CCDC141: variants seen among roughly 807,000 people sequenced by gnomAD.
The protein encoded by CCDC141 is coiled-coil domain containing 141, also known as coiled-coil domain-containing protein 141.
In CCDC141, 168 loss-of-function variants were observed where a neutral mutation model predicts 181.0. The observed-to-expected ratio is 0.93, with a 90% CI of 0.82 to 1.05. CCDC141 has a LOEUF of 1.05. CCDC141 is among the 50% of genes least tolerant of loss of function. The pLI is 0.00. For synonymous variants in CCDC141, 666 were observed against 642.3 expected (o/e 1.04, Z -0.56); for missense variants, 1,902 against 1,788.5 (o/e 1.06, Z -1.14).
At chr2:178,872,844 T>C (rs1002349251) in intron 12 of CCDC141, among the ~76,000 whole-genome samples, 19 of 152,190 alleles carry the variant, frequency 1.2e-4, no homozygotes, top group African/African-American at 4.3e-4. Flanking sequence ...AGAACTGAAA[T>C]GAGTCTGTAT....
the CCDC141 span, among the ~76,000 whole-genome samples, chr2:178,820,842 T>A: frequency 6.6e-6 from 1 of 152,200 alleles, no homozygotes; most frequent in Non-Finnish European, 1.5e-5. Flanking sequence ...GCAGGTACCA[T>A]GTGCGTGGAC....
intron 2 of CCDC141, among the ~76,000 whole-genome samples, chr2:178,998,904 A>G (rs911177121): frequency 5.9e-5 from 9 of 152,186 alleles, no homozygotes; most frequent in Admixed American, 3.3e-4. Context: ...TTAACATTAA[A>G]TACACATTAA....
At chr2:178,845,349 C>A (rs1684890035) in intron 22 of CCDC141, among the ~76,000 whole-genome samples, 1 of 152,136 alleles carries the variant, frequency 6.6e-6, no homozygotes. Context: ...TTTGGGGTGA[C>A]ATGGCATTTA....
chr2:178,830,290 G>C lies in CCDC141; in HGVS notation c.*3883C>G, dbSNP rs1362659461. ...CCTTACTATTATTTTAGTCCGTGGA[G>C]CCAGCATCTATTTTTAAATTCAAAT... On this transcript the variant is annotated 3_prime_UTR_variant, in exon 24 of 24. Transcript: ENST00000443758. 2 of 152,178 alleles carry C rather than the reference G, an allele frequency of 1.3e-5. No individual in the cohort carries two copies. Among genetic ancestry groups the C allele is most frequent in the Non-Finnish European group, 2.9e-5 (2 of 68,038 alleles). 9.4% of individuals were successfully genotyped at this position (152,178 alleles called of 1,614,324 possible). A position where few individuals can be genotyped will look rare whatever the true frequency, so the allele number is the denominator to read the frequency against.
chr2:178,845,881 TG>T (rs1684919503), intron 21 of CCDC141, 139 bp from the exon 22 acceptor site: 1 of 656,910 alleles, frequency 1.5e-6, no homozygotes, highest in Non-Finnish European at 2.7e-6. Context: ...TGTACTCCCA[TG>T]ATGTGATTTA....
chr2:178,900,389 GT>G (rs1413161365), intron 8 of CCDC141, among the ~76,000 whole-genome samples: 1 of 152,138 alleles, frequency 6.6e-6, no homozygotes, highest in Non-Finnish European at 1.5e-5. Flanking sequence ...TGTCAAGGGA[GT>G]TTAATTTCAT....
At chr2:178,817,186 T>C in the CCDC141 span, among the ~76,000 whole-genome samples, 48 of 152,338 alleles carry the variant, frequency 3.2e-4, no homozygotes, top group African/African-American at 1.1e-3. Context: ...TTCTTGCTAG[T>C]ACTTTTTCAT....
chr2:179,008,790 T>C (rs537404275), intron 2 of CCDC141, among the ~76,000 whole-genome samples: 1 of 152,196 alleles, frequency 6.6e-6, no homozygotes, highest in East Asian at 1.9e-4. Context: ...TCAGGGTACC[T>C]GAAAATGTCC....
intron 6 of CCDC141, among the ~76,000 whole-genome samples, chr2:178,935,307 T>C (rs1689240924): frequency 1.3e-5 from 2 of 152,212 alleles, no homozygotes; most frequent in South Asian, 2.1e-4. Context: ...CCAGTGTCGA[T>C]TGTTTTCTTC....
Position 178,832,540 on chromosome 2 carries a change from A to T in CCDC141, c.*1633T>A, listed in dbSNP as rs1684300795. 6.6e-6 allele frequency: 1 copy of T among 151,838 alleles called. No individual in the cohort carries two copies. Among genetic ancestry groups the T allele is most frequent in the Non-Finnish European group, 1.5e-5 (1 of 67,948 alleles). The allele number at this position is 151,838 out of a possible 1,614,324, so 9.4% of individuals were successfully genotyped here. ...AATTTCCTAGAATGCTGTGTATACA[A>T]GCTTTTAATATAGTTCTATCAAAAT... On this transcript the variant is annotated 3_prime_UTR_variant, in exon 24 of 24. Coordinates refer to ENST00000443758, the MANE Select transcript of CCDC141 (RefSeq NM_173648.4).
At chr2:179,006,121 T>C (rs769031898) in intron 2 of CCDC141, among the ~76,000 whole-genome samples, 1 of 152,202 alleles carries the variant, frequency 6.6e-6, no homozygotes, top group Non-Finnish European at 1.5e-5. Flanking sequence ...GCTGAAACAA[T>C]GGCCCATGAC....
intron 9 of CCDC141, 103 bp downstream of exon 9, chr2:178,888,424 C>T (rs970119624): frequency 9.7e-7 from 1 of 1,027,834 alleles, no homozygotes; most frequent in Non-Finnish European, 1.4e-6. Flanking sequence ...TAAGGGCAGC[C>T]TAAGGAGACA....
chr2:178,867,138 C>A (rs1233317895), intron 16 of CCDC141, among the ~76,000 whole-genome samples: 7 of 152,212 alleles, frequency 4.6e-5, no homozygotes, highest in African/African-American at 1.7e-4. Flanking sequence ...CCAGCCCTGG[C>A]TAGAATCAGG....
At chr2:179,011,542 G>A (rs1315422373) in intron 2 of CCDC141, among the ~76,000 whole-genome samples, 3 of 152,086 alleles carry the variant, frequency 2.0e-5, no homozygotes, top group African/African-American at 7.2e-5. Flanking sequence ...ATACCCCACT[G>A]ACAACACACA....
chr2:179,037,721 A>G (rs2043183903), intron 2 of CCDC141, among the ~76,000 whole-genome samples: 1 of 152,238 alleles, frequency 6.6e-6, no homozygotes, highest in Non-Finnish European at 1.5e-5. Flanking sequence ...AAAAAGATAT[A>G]CACTGGCCAA....
chr2:178,853,837 T>A (rs1286026569), intron 19 of CCDC141, among the ~76,000 whole-genome samples: 1 of 152,228 alleles, frequency 6.6e-6, no homozygotes, highest in African/African-American at 2.4e-5. Context: ...TGTGAAAATA[T>A]GTATAAATAA....
At chr2:178,922,941 G>A (rs753851560) in intron 6 of CCDC141, among the ~76,000 whole-genome samples, 1 of 152,144 alleles carries the variant, frequency 6.6e-6, no homozygotes. Context: ...ATTAAATGAA[G>A]CTGGGTCCAT....
intron 23 of CCDC141, among the ~76,000 whole-genome samples, chr2:178,835,471 A>C (rs1684440462): frequency 1.3e-5 from 2 of 152,208 alleles, no homozygotes; most frequent in African/African-American, 4.8e-5. Context: ...ATTTCTACCC[A>C]CAATCTATCA....
intron 6 of CCDC141, among the ~76,000 whole-genome samples, chr2:178,930,256 G>T (rs1226681312): frequency 6.6e-6 from 1 of 151,922 alleles, no homozygotes; most frequent in African/African-American, 2.4e-5. Context: ...TTTAATCAAG[G>T]AGATGGAAAA....
Sources: gnomAD v4.1 joint callset for allele counts (sites outside exome capture counted in the v4.1 genomes callset) on GRCh38, gnomAD v4.1.1 for gene constraint, MANE v1.5 for transcripts, NCBI Gene and HGNC (gene_info 2026-07-23, HGNC 2026-07-21) for gene names.